HDAC9: variants seen among roughly 807,000 people sequenced by gnomAD.
HDAC9 encodes the protein histone deacetylase 9.
HDAC9 carries 41 observed loss-of-function variants against 139.4 expected under a neutral mutation model. That is an observed-to-expected ratio of 0.29 (90% confidence interval 0.23 to 0.38). HDAC9 has a LOEUF of 0.38. HDAC9 is among the 10% of genes least tolerant of loss of function. The pLI is 1.00. For synonymous variants in HDAC9, 517 were observed against 476.2 expected (o/e 1.09, Z -1.12); for missense variants, 1,147 against 1,297.0 (o/e 0.88, Z 1.78).
chr7:18,758,557 T>C (rs565465045), intron 14 of HDAC9, among the ~76,000 whole-genome samples: 1 of 152,164 alleles, frequency 6.6e-6, no homozygotes, highest in African/African-American at 2.4e-5. Flanking sequence ...AAATGGGAAC[T>C]GGTGAAGATC....
chr7:18,871,942 G>A (rs1798953213), intron 21 of HDAC9, among the ~76,000 whole-genome samples: 1 of 151,998 alleles, frequency 6.6e-6, no homozygotes, highest in African/African-American at 2.4e-5. Context: ...AGACCAAGAC[G>A]GTGTTTGCAA....
At chr7:18,448,177 TCTC>T in intron 1 of HDAC9, among the ~76,000 whole-genome samples, 1 of 152,232 alleles carries the variant, frequency 6.6e-6, no homozygotes, top group South Asian at 2.1e-4. Context: ...CTGGAGGTAT[TCTC>T]CTGTGAAAAA....
At chr7:18,108,535 T>A (rs976287881) in intron 1 of HDAC9, among the ~76,000 whole-genome samples, 2 of 152,132 alleles carry the variant, frequency 1.3e-5, no homozygotes, top group African/African-American at 4.8e-5. Context: ...ATTTTCTTTC[T>A]TTCAAAATGG....
At chr7:18,571,712 A>G (rs1371849805) in intron 2 of HDAC9, among the ~76,000 whole-genome samples, 1 of 151,952 alleles carries the variant, frequency 6.6e-6, no homozygotes, top group Non-Finnish European at 1.5e-5. Flanking sequence ...ATTGGTTGAA[A>G]CCCTATTCCT....
chr7:18,585,014 A>C (rs571705543), intron 2 of HDAC9, among the ~76,000 whole-genome samples: 1 of 152,314 alleles, frequency 6.6e-6, no homozygotes, highest in African/African-American at 2.4e-5. Context: ...ACCAGTAAAC[A>C]ATTGAAGTCA....
intron 3 of HDAC9, among the ~76,000 whole-genome samples, chr7:18,587,000 T>C (rs2695029): frequency 0.58 from 87,401 of 151,886 alleles, 25,206 homozygotes; most frequent in East Asian, 0.67. Flanking sequence ...ATGAGTAAAA[T>C]GTACATTTTT....
chr7:18,872,842 C>A (rs1455451465), intron 21 of HDAC9, among the ~76,000 whole-genome samples: 1 of 152,016 alleles, frequency 6.6e-6, no homozygotes. Context: ...GGATGACCTT[C>A]TGATAGAGGG....
chr7:18,925,218 C>G (rs1260232512), intron 22 of HDAC9, among the ~76,000 whole-genome samples: 2 of 152,168 alleles, frequency 1.3e-5, no homozygotes. Context: ...GATTTAGCCA[C>G]AGAAGAGTGG....
In HDAC9 at chr7:18,836,191, A is replaced by G. The variant is rs562564357; in HGVS notation, c.2684+194A>G. ...ATACAGGTATATTGGCCAATGGCCC[A>G]TTTTCCCCCTTCCCTCCCAAATAAG... On this transcript the variant is annotated intron_variant, in intron 21 of 25. Coordinates refer to ENST00000686413, the MANE Select transcript of HDAC9 (RefSeq NM_178425.4). Among the ~76,000 whole-genome samples the G allele has an allele frequency of 3.9e-5, 6 of 152,288 alleles. No homozygotes were observed. The East Asian group carries it at 1.2e-3, about 29-fold the overall frequency.
At chr7:18,613,137 T>C (rs1837635205) in intron 6 of HDAC9, among the ~76,000 whole-genome samples, 1 of 149,184 alleles carries the variant, frequency 6.7e-6, no homozygotes. Flanking sequence ...TAGATATATT[T>C]ATAATAGACT....
chr7:18,489,162 C>T (rs963409873), intron 1 of HDAC9, among the ~76,000 whole-genome samples: 1 of 151,978 alleles, frequency 6.6e-6, no homozygotes, highest in Non-Finnish European at 1.5e-5. Context: ...GAGTGACATA[C>T]TATGTGCCAG....
At chr7:18,134,252 A>G (rs1161754664) in intron 1 of HDAC9, among the ~76,000 whole-genome samples, 1 of 152,156 alleles carries the variant, frequency 6.6e-6, no homozygotes, top group Non-Finnish European at 1.5e-5. Flanking sequence ...AGTAATGCCA[A>G]GTATATACCT....
intron 1 of HDAC9, among the ~76,000 whole-genome samples, chr7:18,294,493 G>A (rs1267195623): frequency 6.6e-6 from 1 of 152,112 alleles, no homozygotes; most frequent in Non-Finnish European, 1.5e-5. Flanking sequence ...TGGCATAGAT[G>A]CTTCTAGTCA....
chr7:18,936,456 T>A (rs1781639905), intron 23 of HDAC9, among the ~76,000 whole-genome samples: 1 of 152,140 alleles, frequency 6.6e-6, no homozygotes, highest in Admixed American at 6.5e-5. Context: ...ATCCAAGACA[T>A]GAACATGAAT....
chr7:18,724,017 G>C (rs1785339677), intron 12 of HDAC9, among the ~76,000 whole-genome samples: 1 of 152,154 alleles, frequency 6.6e-6, no homozygotes, highest in Non-Finnish European at 1.5e-5. Flanking sequence ...GAAAGATCAT[G>C]TTACACACAC....
At chr7:18,991,465 G>A (rs553692736) in intron 25 of HDAC9, among the ~76,000 whole-genome samples, 2 of 152,198 alleles carry the variant, frequency 1.3e-5, no homozygotes, top group African/African-American at 2.4e-5. Flanking sequence ...GTGAAACCCT[G>A]TCTCTACTAA....
intron 22 of HDAC9, among the ~76,000 whole-genome samples, chr7:18,880,539 A>G (rs570891430): frequency 6.6e-6 from 1 of 152,292 alleles, no homozygotes; most frequent in East Asian, 1.9e-4. Flanking sequence ...ATCCTCAGCA[A>G]ACTAATGCCA....
chr7:18,454,254 G>C (rs979735898), intron 1 of HDAC9, among the ~76,000 whole-genome samples: 9 of 152,052 alleles, frequency 5.9e-5, no homozygotes, highest in African/African-American at 2.2e-4. Context: ...TTCTTGGACA[G>C]TGTAATTAAT....
At chr7:18,920,546 G>A (rs563735507) in intron 22 of HDAC9, among the ~76,000 whole-genome samples, 1 of 152,230 alleles carries the variant, frequency 6.6e-6, no homozygotes, top group South Asian at 2.1e-4. Flanking sequence ...TAGGAGTGGT[G>A]AGAGAGGGCA....
Sources: allele counts gnomAD v4.1 joint callset (sites outside exome capture counted in the v4.1 genomes callset), GRCh38; gene constraint gnomAD v4.1.1; transcripts MANE v1.5; gene names NCBI Gene and HGNC (gene_info 2026-07-23, HGNC 2026-07-21).